The following FSTL1 variants were observed in gnomAD, a reference collection of about 807,000 sequenced individuals.
The protein encoded by FSTL1 is follistatin like 1, also known as follistatin-related protein 1.
FSTL1 carries 24 observed loss-of-function variants against 45.9 expected under a neutral mutation model. The ratio of observed to expected loss-of-function variants is 0.52; its 90% confidence interval spans 0.38 to 0.74. The LOEUF is 0.74. Among genes scored for constraint, FSTL1 ranks in the 30% least tolerant of loss-of-function variants. FSTL1 has a pLI of 0.00. For missense variants in FSTL1, 340 were observed against 381.8 expected, an observed-to-expected ratio of 0.89 and a Z score of 0.91; for synonymous variants, 120 against 137.6, an observed-to-expected ratio of 0.87 and a Z score of 0.89.
intron 2 of FSTL1, among the ~76,000 whole-genome samples, chr3:120,446,676 G>T (rs560687716): frequency 6.6e-6 from 1 of 152,194 alleles, no homozygotes; most frequent in Non-Finnish European, 1.5e-5. Context: ...TAGATGCAAG[G>T]CTTACTTGAG....
At chr3:120,410,916 C>T in intron 5 of FSTL1, 36 bp downstream of exon 5, 3 of 1,517,082 alleles carry the variant, frequency 2.0e-6, no homozygotes, top group Middle Eastern at 1.7e-4. Context: ...GAATGTCCTC[C>T]CTGAGATGCA....
intron 9 of FSTL1, 116 bp from the exon 10 acceptor site, chr3:120,400,075 G>A (rs2107648892): frequency 1.4e-6 from 1 of 720,584 alleles, no homozygotes; most frequent in Non-Finnish European, 2.4e-6. Context: ...GGAAGGAGAG[G>A]TGAATTACCC....
intron 2 of FSTL1, among the ~76,000 whole-genome samples, chr3:120,433,664 A>G (rs1011394655): frequency 3.3e-5 from 5 of 152,238 alleles, no homozygotes; most frequent in Non-Finnish European, 2.9e-5. Context: ...GCCTGTGATC[A>G]GTAAGTTTAG....
At chr3:120,445,612 A>C (rs1299436784) in intron 2 of FSTL1, among the ~76,000 whole-genome samples, 2 of 149,680 alleles carry the variant, frequency 1.3e-5, no homozygotes, top group Non-Finnish European at 2.9e-5. Context: ...GAAGCTATAC[A>C]TGGAAGATTT....
At chr3:120,428,445 A>T (rs913601259) in intron 2 of FSTL1, among the ~76,000 whole-genome samples, 7 of 152,164 alleles carry the variant, frequency 4.6e-5, no homozygotes, top group Non-Finnish European at 1.0e-4. Flanking sequence ...TTTAAAAACA[A>T]GGACAGGCCG....
At chr3:120,416,263 T>A (rs950931885) in intron 2 of FSTL1, among the ~76,000 whole-genome samples, 6 of 152,180 alleles carry the variant, frequency 3.9e-5, no homozygotes, top group African/African-American at 1.4e-4. Flanking sequence ...CCCTAATATG[T>A]TTCTCAAAGA....
rs1335833087 is a variant in FSTL1, at chr3:120,396,397, G to C, written c.*555C>G. 1 of 153,360 alleles carries C rather than the reference G, an allele frequency of 6.5e-6. No individual in the cohort carries two copies. Among genetic ancestry groups the C allele is most frequent in the Non-Finnish European group, 1.5e-5 (1 of 68,686 alleles). 9.5% of individuals were successfully genotyped at this position (153,360 alleles called of 1,614,324 possible). Reference sequence around the variant, plus strand: ...TGCATCATTTGGGTGTACCCTCCCAGAAACTCCATCCAAGTCTGAGGGACA... The same window carrying C: ...TGCATCATTTGGGTGTACCCTCCCACAAACTCCATCCAAGTCTGAGGGACA... On this transcript the variant is annotated 3_prime_UTR_variant, in exon 11 of 11. Transcript: ENST00000295633.
chr3:120,446,113 T>C (rs541293495), intron 2 of FSTL1, among the ~76,000 whole-genome samples: 1 of 152,378 alleles, frequency 6.6e-6, no homozygotes, highest in African/African-American at 2.4e-5. Context: ...TTCTGCCAGA[T>C]GTCCAGTTAT....
intron 2 of FSTL1, among the ~76,000 whole-genome samples, chr3:120,439,435 T>C (rs1033317589): frequency 8.5e-5 from 13 of 152,228 alleles, no homozygotes; most frequent in Non-Finnish European, 1.5e-5. Flanking sequence ...TCATCTCTGC[T>C]TATCTATGAG....
chr3:120,444,411 T>C (rs552525368), intron 2 of FSTL1, among the ~76,000 whole-genome samples: 1 of 149,630 alleles, frequency 6.7e-6, no homozygotes, highest in Admixed American at 6.6e-5. Flanking sequence ...AAGAATTCTA[T>C]GATTGATTAG....
At chr3:120,411,135 T>C (rs1312602941) in intron 4 of FSTL1, 151 bp from the exon 5 acceptor site, 1 of 587,530 alleles carries the variant, frequency 1.7e-6, no homozygotes, top group Non-Finnish European at 3.1e-6. Context: ...CCTTTCCTTC[T>C]TCTAGGGCCC....
At chr3:120,398,767 A>G (rs754232935) in intron 10 of FSTL1, among the ~76,000 whole-genome samples, 19 of 152,230 alleles carry the variant, frequency 1.2e-4, no homozygotes, top group Non-Finnish European at 2.4e-4. Flanking sequence ...AAACTTAAAC[A>G]TATTAGCTAC....
chr3:120,395,277 A>C lies in FSTL1; in HGVS notation c.*1675T>G. The C allele has an allele frequency of 5.4e-6, 1 of 186,494 alleles. No individual in the cohort carries two copies. The allele number at this position is 186,494 out of a possible 1,614,324, so 11.6% of individuals were successfully genotyped here. ...CTTTCTGCAAATGAGATCTTATGTC[A>C]AGGATTTAATCTTTGGTATTCCAAA... On this transcript the variant is annotated 3_prime_UTR_variant, in exon 11 of 11. Coordinates refer to ENST00000295633, the MANE Select transcript of FSTL1 (RefSeq NM_007085.5).
At chr3:120,450,360 A>G (rs1435297485) in intron 2 of FSTL1, among the ~76,000 whole-genome samples, 2 of 152,170 alleles carry the variant, frequency 1.3e-5, no homozygotes, top group Non-Finnish European at 2.9e-5. Flanking sequence ...GAAGGACGGA[A>G]CTGAGGCGCC....
intron 2 of FSTL1, among the ~76,000 whole-genome samples, chr3:120,449,684 A>G (rs1485748466): frequency 6.6e-6 from 1 of 152,194 alleles, no homozygotes; most frequent in Non-Finnish European, 1.5e-5. Flanking sequence ...TGCATTTATG[A>G]CTTTTTTGGG....
chr3:120,402,270 T>C (rs1054292342), intron 9 of FSTL1, among the ~76,000 whole-genome samples: 2 of 152,162 alleles, frequency 1.3e-5, no homozygotes, highest in Non-Finnish European at 2.9e-5. Context: ...CAAGGAGAAG[T>C]CATTTTGTCT....
At chr3:120,444,803 T>C (rs1937701951) in intron 2 of FSTL1, among the ~76,000 whole-genome samples, 1 of 150,088 alleles carries the variant, frequency 6.7e-6, no homozygotes, top group African/African-American at 2.5e-5. Context: ...GTTGTACTTT[T>C]CTATAAATTT....
At chr3:120,407,122 C>T (rs185845858) in intron 6 of FSTL1, among the ~76,000 whole-genome samples, 11 of 152,302 alleles carry the variant, frequency 7.2e-5, no homozygotes, top group Admixed American at 3.9e-4. Context: ...CAGATTTCAG[C>T]ATTTGAGGTA....
In FSTL1 at chr3:120,429,357, A is replaced by G. The variant is rs147826790; in HGVS notation, c.64-13330T>C. On this transcript the variant is annotated intron_variant, in intron 2 of 10. Transcript: ENST00000295633. ...ATTTATGCATCACTCTGGAGCACCC[A>G]TGAGTGTGGCCTTCAGCCATATATT... is the stretch of plus-strand genomic sequence containing the variant. Among the ~76,000 whole-genome samples, 1,479 of 152,352 alleles carry G rather than the reference A, an allele frequency of 9.7e-3. 26 individuals carry two copies. Among genetic ancestry groups the G allele is most frequent in the African/African-American group, 0.033 (1,382 of 41,584 alleles).
Sources: allele counts gnomAD v4.1 joint callset (sites outside exome capture counted in the v4.1 genomes callset), GRCh38; gene constraint gnomAD v4.1.1; transcripts MANE v1.5; gene names NCBI Gene and HGNC (gene_info 2026-07-23, HGNC 2026-07-21).